The following GOLT1A variants were observed in gnomAD, a reference collection of about 807,000 sequenced individuals.
GOLT1A encodes the protein vesicle transport protein GOT1A.
Under a neutral mutation model 16.1 loss-of-function variants are expected in GOLT1A, and 10 were observed. The ratio of observed to expected loss-of-function variants is 0.62; its 90% CI spans 0.38 to 1.05. GOLT1A has a LOEUF of 1.05. Among genes scored for constraint, GOLT1A ranks in the 50% least tolerant of loss-of-function variants. The pLI is 0.01. For missense variants in GOLT1A, 137 were observed against 165.7 expected, an observed-to-expected ratio of 0.83 and a Z score of 0.95; for synonymous variants, 60 against 67.9, an observed-to-expected ratio of 0.88 and a Z score of 0.57.
At chr1:204,209,811 T>G (rs1176242623) in intron 1 of GOLT1A, among the ~76,000 whole-genome samples, 1 of 152,118 alleles carries the variant, frequency 6.6e-6, no homozygotes, top group Non-Finnish European at 1.5e-5. Flanking sequence ...TCCCAACACT[T>G]TGGGACGCCG....
intron 4 of GOLT1A, among the ~76,000 whole-genome samples, 161 bp from the exon 5 acceptor site, chr1:204,198,657 C>T (rs1266249510): frequency 1.3e-5 from 2 of 152,122 alleles, no homozygotes; most frequent in East Asian, 1.9e-4. Flanking sequence ...GGGGTGCTGG[C>T]TGTAGGGTCT....
At chr1:204,202,404 CT>C (rs973933400) in intron 2 of GOLT1A, among the ~76,000 whole-genome samples, 9 of 151,936 alleles carry the variant, frequency 5.9e-5, no homozygotes. Flanking sequence ...TCCAATCCCC[CT>C]GGAAGTGCTT....
At position 204,198,490 on chromosome 1, in the gene GOLT1A, G is replaced by A. The variant is rs187437980; in HGVS notation, c.367C>T (p.Arg123Trp). Residue 123 changes from arginine (R) to tryptophan (W), a missense_variant, in exon 5 of 5, where the codon CGG becomes TGG. Physicochemically the swap from Arg to Trp is moderately radical, Grantham distance 101. Coordinates refer to ENST00000308302, the MANE Select transcript of GOLT1A (RefSeq NM_198447.2). ...CNIPFLGALF[R>W]RLQGTSSMV ...ATCGAGCTAGTGCCTTGAAGTCTCCGGAACAGCTGTGGGAGCCAAGAATCA... is the reference window on the plus strand; with the variant it reads ...ATCGAGCTAGTGCCTTGAAGTCTCCAGAACAGCTGTGGGAGCCAAGAATCA... The A allele has an allele frequency of 5.5e-5, 89 of 1,613,294 alleles. No individual in the cohort carries two copies. Among genetic ancestry groups the A allele is most frequent in the East Asian group, 2.7e-4 (12 of 44,866 alleles).
At chr1:204,206,147 A>C (rs951526701) in intron 1 of GOLT1A, among the ~76,000 whole-genome samples, 3 of 152,214 alleles carry the variant, frequency 2.0e-5, no homozygotes, top group African/African-American at 4.8e-5. Flanking sequence ...CTCAACTCAT[A>C]GTCTGGTATC....
At chr1:204,213,625 A>C (rs1204461501) in intron 1 of GOLT1A, among the ~76,000 whole-genome samples, 1 of 152,242 alleles carries the variant, frequency 6.6e-6, no homozygotes, top group African/African-American at 2.4e-5. Context: ...GAAAGGGGTC[A>C]GTGTGAATGG....
At chr1:204,204,028 G>T (rs543780899) in intron 1 of GOLT1A, among the ~76,000 whole-genome samples, 16 of 152,122 alleles carry the variant, frequency 1.1e-4, no homozygotes, top group Non-Finnish European at 1.9e-4. Context: ...ACAATAACCG[G>T]ATATATAGTT....
intron 4 of GOLT1A, 50 bp downstream of exon 4, chr1:204,199,145 C>G: frequency 6.7e-7 from 1 of 1,486,946 alleles, no homozygotes; most frequent in Non-Finnish European, 9.2e-7. Context: ...CGTGTGCTCC[C>G]CCTCACTCCC....
chr1:204,206,070 C>CA (rs554457569), intron 1 of GOLT1A, among the ~76,000 whole-genome samples: 125 of 150,058 alleles, frequency 8.3e-4, no homozygotes, highest in Non-Finnish European at 1.6e-3. Flanking sequence ...AACTCCATCT[C>CA]AAAAAAAAAG....
At chr1:204,213,541 G>A (rs1033859536) in intron 1 of GOLT1A, among the ~76,000 whole-genome samples, 1 of 152,230 alleles carries the variant, frequency 6.6e-6, no homozygotes, top group African/African-American at 2.4e-5. Flanking sequence ...GATGGTGTGG[G>A]GAAAGATGTC....
In GOLT1A at chr1:204,201,787, G is replaced by C; in HGVS notation, c.142C>G (p.Leu48Val). The C allele has an allele frequency of 6.2e-7, 1 of 1,614,140 alleles. No individual in the cohort carries two copies. The highest frequency in any genetic ancestry group is 8.5e-7 in the Non-Finnish European group (1 of 1,180,014). The change falls in exon 3 of 5, where the codon CTC becomes GTC. Residue 48 changes from leucine to valine, a missense_variant. Coordinates refer to ENST00000308302, the MANE Select transcript of GOLT1A (RefSeq NM_198447.2). Reference protein sequence around the residue: ...GNLLFLTGLSLIIGLRKTFWF... With the variant: ...GNLLFLTGLSVIIGLRKTFWF... ...AAGGTCTTCCTCAGGCCAATGATGAGGGACAGGCCCGTCAGGAACAGCAGC... is the reference window on the plus strand; with the variant it reads ...AAGGTCTTCCTCAGGCCAATGATGACGGACAGGCCCGTCAGGAACAGCAGC...
At chr1:204,200,874 C>T (rs772527805) in intron 3 of GOLT1A, among the ~76,000 whole-genome samples, 10 of 152,176 alleles carry the variant, frequency 6.6e-5, no homozygotes, top group Non-Finnish European at 1.0e-4. Context: ...ATTCTCTCCA[C>T]ACCACCGTGT....
chr1:204,204,169 T>C (rs2102336921), intron 1 of GOLT1A, among the ~76,000 whole-genome samples: 1 of 152,320 alleles, frequency 6.6e-6, no homozygotes, highest in Non-Finnish European at 1.5e-5. Flanking sequence ...AGTTTTAAAT[T>C]GTGGCAACGT....
intron 1 of GOLT1A, among the ~76,000 whole-genome samples, chr1:204,203,259 G>A (rs1036254826): frequency 1.3e-5 from 2 of 152,164 alleles, no homozygotes; most frequent in Non-Finnish European, 2.9e-5. Context: ...AGCTGGTGCT[G>A]CCCTGACCAC....
At chr1:204,211,568 A>ATT (rs1207882689) in intron 1 of GOLT1A, among the ~76,000 whole-genome samples, 11 of 152,100 alleles carry the variant, frequency 7.2e-5, no homozygotes, top group African/African-American at 2.7e-4. Context: ...TAAATCCCTC[A>ATT]TTTCTCTCTC....
rs758257328 is a variant in GOLT1A at position 204,198,480 on chromosome 1, T to C, written c.377A>G (p.Gln126Arg). Residue 126 changes from glutamine (Q) to arginine (R), a missense_variant, in exon 5 of 5, where the codon CAA becomes CGA. By Grantham distance (43) the Gln-to-Arg change is conservative. Coordinates refer to ENST00000308302, the MANE Select transcript of GOLT1A (RefSeq NM_198447.2). ...PFLGALFRRLQGTSSMV is the reference protein window; with the variant it reads ...PFLGALFRRLRGTSSMV ...TTTTCAGACCATCGAGCTAGTGCCTTGAAGTCTCCGGAACAGCTGTGGGAG... is the reference window on the plus strand; with the variant it reads ...TTTTCAGACCATCGAGCTAGTGCCTCGAAGTCTCCGGAACAGCTGTGGGAG... 1.9e-6 allele frequency: 3 copies of C among 1,613,740 alleles called. No individual in the cohort carries two copies. The South Asian group carries it at 3.3e-5, about 18-fold the overall frequency.
At chr1:204,199,001 C>T (rs576792415) in intron 4 of GOLT1A, 194 bp downstream of exon 4, 26 of 594,530 alleles carry the variant, frequency 4.4e-5, no homozygotes, top group Admixed American at 3.5e-4. Flanking sequence ...ATCCCCTCTC[C>T]TCATGGGCTC....
At position 204,198,476 on chromosome 1, in the gene GOLT1A, G is replaced by A. The variant is rs764951460; in HGVS notation, c.381C>T (p.Gly127=). Residue 127 remains glycine, a synonymous_variant, in exon 5 of 5, where the codon GGC becomes GGT. Coordinates refer to ENST00000308302, the MANE Select transcript of GOLT1A (RefSeq NM_198447.2). ...CTGTTTTTCAGACCATCGAGCTAGTGCCTTGAAGTCTCCGGAACAGCTGTG... is the reference window on the plus strand; with the variant it reads ...CTGTTTTTCAGACCATCGAGCTAGTACCTTGAAGTCTCCGGAACAGCTGTG... ...FLGALFRRLQ[G]TSSMV 1.3e-5 allele frequency: 21 copies of A among 1,613,704 alleles called. No homozygotes were observed. The highest frequency in any genetic ancestry group is 1.8e-5 in the Non-Finnish European group (21 of 1,179,822).
intron 1 of GOLT1A, among the ~76,000 whole-genome samples, chr1:204,208,497 TATATAAAA>T (rs200314261): frequency 0.15 from 16,248 of 107,834 alleles, 2,067 homozygotes; most frequent in East Asian, 0.27. Flanking sequence ...TATATATATA[TATATAAAA>T]AATGAACTAC....
rs753822940 is a variant in GOLT1A, at chr1:204,201,674, G to A, written c.255C>T (p.Leu85=). ...VVIVLLRWPL[L]GMFLETYGFF... is the part of the protein sequence containing the mutation. ...ATCCGTAGGTTTCCAGGAACATGCCGAGGAGGGGCCAGCGTAGGAGCACGA... is the reference window on the plus strand; with the variant it reads ...ATCCGTAGGTTTCCAGGAACATGCCAAGGAGGGGCCAGCGTAGGAGCACGA... The change falls in exon 3 of 5, where the codon CTC becomes CTT. Residue 85 remains leucine, a synonymous_variant. Coordinates refer to ENST00000308302, the MANE Select transcript of GOLT1A (RefSeq NM_198447.2). The A allele has an allele frequency of 2.3e-5, 37 of 1,614,136 alleles. No individual in the cohort carries two copies. Among genetic ancestry groups the A allele is most frequent in the South Asian group, 1.2e-4 (11 of 91,082 alleles).
Sources: allele counts gnomAD v4.1 joint callset (sites outside exome capture counted in the v4.1 genomes callset), GRCh38; gene constraint gnomAD v4.1.1; transcripts MANE v1.5; gene names NCBI Gene and HGNC (gene_info 2026-07-23, HGNC 2026-07-21).